Variants in RBPJ observed in about 807,000 individuals in gnomAD.
The protein encoded by RBPJ is recombining binding protein suppressor of hairless.
In RBPJ, 9 loss-of-function variants were observed where a neutral mutation model predicts 67.8. That is an observed-to-expected ratio of 0.13 (90% CI 0.08 to 0.23). The LOEUF (loss-of-function observed/expected upper bound fraction) is 0.23. Ranked by LOEUF, RBPJ falls within the 10% of genes least tolerant of loss-of-function variation. RBPJ has a pLI of 1.00. For synonymous variants in RBPJ, 198 were observed against 203.3 expected (o/e 0.97, Z 0.22); for missense variants, 305 against 595.6 (o/e 0.51, Z 5.08).
At position 26,431,030 on chromosome 4, in the gene RBPJ, T is replaced by G. The variant is rs1736167261; in HGVS notation, c.*23T>G. 1 of 1,594,572 alleles carries G rather than the reference T, an allele frequency of 6.3e-7. No individual in the cohort carries two copies. The highest frequency in any genetic ancestry group is 2.2e-5 in the East Asian group (1 of 44,656). On this transcript the variant is annotated 3_prime_UTR_variant, in exon 11 of 11. Coordinates refer to ENST00000355476, the MANE Select transcript of RBPJ (RefSeq NM_015874.6). ...TAACTACCGTCTTTTTGCTAGGACTTAAACTGACTTGAGTGTGGCAAAAAG... is the reference window on the plus strand; with the variant it reads ...TAACTACCGTCTTTTTGCTAGGACTGAAACTGACTTGAGTGTGGCAAAAAG...
chr4:26,173,078 G>A (rs1420593285), intron 1 of RBPJ, among the ~76,000 whole-genome samples: 1 of 152,294 alleles, frequency 6.6e-6, no homozygotes, highest in East Asian at 1.9e-4. Flanking sequence ...GGACAAGTAG[G>A]TTATTTGGAA....
At chr4:26,215,247 GTAAGAA>G (rs1265289543) in intron 1 of RBPJ, among the ~76,000 whole-genome samples, 2 of 12,260 alleles carry the variant, frequency 1.6e-4, no homozygotes, top group South Asian at 2.0e-3. Flanking sequence ...AAGAAAGAAA[GTAAGAA>G]AGAAAGGAAG....
At chr4:26,291,578 G>A (rs565375670) in intron 1 of RBPJ, among the ~76,000 whole-genome samples, 8 of 150,006 alleles carry the variant, frequency 5.3e-5, no homozygotes, top group African/African-American at 2.0e-4. Flanking sequence ...AGGTATGAAT[G>A]ACTTTTTTTT....
rs55870302 is a variant in RBPJ, at chr4:26,361,058, C to CGTGTGT, written c.21-25278_21-25273dup. Among the ~76,000 whole-genome samples, 919 of 148,766 alleles carry CGTGTGT rather than the reference C, an allele frequency of 6.2e-3. 11 individuals carry two copies. The highest frequency in any genetic ancestry group is 0.022 in the African/African-American group (885 of 40,218). Reference sequence around the variant, plus strand: ...ATCCTTTCAGGAGTGAGTGTGTGTGCGTGTGTGTGTGTGTGTGTGTGTCAC... The same window carrying CGTGTGT: ...ATCCTTTCAGGAGTGAGTGTGTGTGCGTGTGTGTGTGTGTGTGTGTGTGTGTGTCAC... On this transcript the variant is annotated intron_variant, in intron 1 of 10. Coordinates refer to ENST00000355476, the MANE Select transcript of RBPJ (RefSeq NM_015874.6).
At chr4:26,411,078 TAGTC>T (rs1004473343) in intron 3 of RBPJ, among the ~76,000 whole-genome samples, 13 of 152,152 alleles carry the variant, frequency 8.5e-5, no homozygotes, top group East Asian at 7.7e-4. Flanking sequence ...TTTTAAAAAA[TAGTC>T]AGTTTCACAC....
chr4:26,161,410 T>C (rs756067118), upstream of RBPJ, among the ~76,000 whole-genome samples: 1 of 152,112 alleles, frequency 6.6e-6, no homozygotes, highest in Non-Finnish European at 1.5e-5. Flanking sequence ...TAAGCAGAAA[T>C]GGGATTTATT....
At chr4:26,145,270 A>G in the RBPJ span, among the ~76,000 whole-genome samples, 1 of 152,126 alleles carries the variant, frequency 6.6e-6, no homozygotes, top group East Asian at 1.9e-4. Flanking sequence ...GAGTGGGTGG[A>G]GTCTTCTGCA....
upstream of RBPJ, chr4:26,320,756 CA>C (rs1560262444): frequency 6.4e-7 from 1 of 1,553,876 alleles, no homozygotes; most frequent in African/African-American, 1.4e-5. Context: ...GAGCGCTCCC[CA>C]TGGACCACAC....
chr4:26,290,677 C>T (rs967467078), intron 1 of RBPJ, among the ~76,000 whole-genome samples: 9 of 150,892 alleles, frequency 6.0e-5, no homozygotes, highest in African/African-American at 2.2e-4. Context: ...TAAAAGAAAT[C>T]AAGTTTAACT....
chr4:26,363,639 A>G (rs1271381204), intron 1 of RBPJ, among the ~76,000 whole-genome samples: 2 of 152,226 alleles, frequency 1.3e-5, no homozygotes, highest in Admixed American at 6.5e-5. Context: ...GGTTGTCACC[A>G]TATTTGTCAG....
chr4:26,197,949 T>C (rs938051534), intron 1 of RBPJ, among the ~76,000 whole-genome samples: 1 of 152,186 alleles, frequency 6.6e-6, no homozygotes, highest in Non-Finnish European at 1.5e-5. Flanking sequence ...TTGTGTAATT[T>C]TCATTATAAT....
At chr4:26,218,213 C>T (rs562744678) in intron 1 of RBPJ, among the ~76,000 whole-genome samples, 1 of 152,326 alleles carries the variant, frequency 6.6e-6, no homozygotes, top group East Asian at 1.9e-4. Context: ...GTTATCCACC[C>T]AGCTGTCGCC....
chr4:26,115,175 G>T, the RBPJ span, among the ~76,000 whole-genome samples: 207 of 152,248 alleles, frequency 1.4e-3, no homozygotes, highest in South Asian at 4.1e-3. Flanking sequence ...ATATTTACCA[G>T]CACATCATCA....
At chr4:26,422,182 G>T (rs1412627131) in intron 5 of RBPJ, among the ~76,000 whole-genome samples, 1 of 149,500 alleles carries the variant, frequency 6.7e-6, no homozygotes, top group Non-Finnish European at 1.5e-5. Flanking sequence ...ATTTCCATTG[G>T]ATTGGAAGTC....
In RBPJ at chr4:26,303,358, A is replaced by G. The variant is rs73113359; in HGVS notation, c.-166-59088A>G. ...TGCAGTGGCCTACATCTGTAATCCCAGGAGTCTGAGGCCAGAGGATTTCTT... is the reference window on the plus strand; with the variant it reads ...TGCAGTGGCCTACATCTGTAATCCCGGGAGTCTGAGGCCAGAGGATTTCTT... On this transcript the variant is annotated intron_variant, in intron 1 of 4. Transcript: ENST00000512351. 6.9e-3 allele frequency among the ~76,000 whole-genome samples: 1,019 copies of G among 147,182 alleles called. 11 individuals carry two copies. The highest frequency in any genetic ancestry group is 0.024 in the African/African-American group (957 of 40,522).
At chr4:26,258,617 A>T (rs1333893700) in intron 1 of RBPJ, among the ~76,000 whole-genome samples, 1 of 152,212 alleles carries the variant, frequency 6.6e-6, no homozygotes, top group Non-Finnish European at 1.5e-5. Flanking sequence ...AAAACAAAAT[A>T]AAAACTTTAC....
chr4:26,169,384 C>T (rs912483585), intron 1 of RBPJ, among the ~76,000 whole-genome samples: 4 of 152,356 alleles, frequency 2.6e-5, no homozygotes, highest in South Asian at 2.1e-4. Context: ...TGCAGAACCT[C>T]GGATTTTCAT....
chr4:26,222,693 A>C (rs994865116), intron 1 of RBPJ, among the ~76,000 whole-genome samples: 1 of 149,704 alleles, frequency 6.7e-6, no homozygotes, highest in Admixed American at 6.7e-5. Flanking sequence ...AGAAAGAAAA[A>C]GAACAGATGA....
intron 1 of RBPJ, among the ~76,000 whole-genome samples, chr4:26,249,053 C>T (rs1215141696): frequency 1.3e-5 from 2 of 152,138 alleles, no homozygotes; most frequent in Non-Finnish European, 2.9e-5. Context: ...TAGTAGTAGT[C>T]TTTTGCCTAG....
Sources: allele counts gnomAD v4.1 joint callset (sites outside exome capture counted in the v4.1 genomes callset), GRCh38; gene constraint gnomAD v4.1.1; transcripts MANE v1.5; gene names NCBI Gene and HGNC (gene_info 2026-07-23, HGNC 2026-07-21).